SH2B2: variants seen among roughly 807,000 people sequenced by gnomAD.
The protein encoded by SH2B2 is SH2B adaptor protein 2.
SH2B2 carries 37 observed loss-of-function variants against 35.7 expected under a neutral mutation model. The observed-to-expected ratio is 1.04, with a 90% CI of 0.80 to 1.36. SH2B2 has a LOEUF of 1.36. SH2B2 is among the 40% of genes most tolerant of loss of function. SH2B2 has a pLI of 0.00. For missense variants in SH2B2, 852 were observed against 817.7 expected (o/e 1.04, Z -0.51); for synonymous variants, 383 against 376.4 (o/e 1.02, Z -0.20).
In SH2B2 at chr7:102,300,742, C is replaced by T. The variant is rs1554553489; in HGVS notation, c.192C>T (p.His64=). ...TPDAGASFSR[H]FAANFLDVFG... The stretch of plus-strand genomic sequence containing the variant: ...ACGCCGGCGCCTCCTTCTCCCGCCA[C>T]TTCGCCGCCAACTTCCTGGACGTCT... The change falls in exon 2 of 9, where the codon CAC becomes CAT. Residue 64 remains histidine (H), a synonymous_variant. Transcript: ENST00000444095. 9.7e-6 allele frequency: 15 copies of T among 1,540,248 alleles called. No individual in the cohort carries two copies. Among genetic ancestry groups the T allele is most frequent in the Non-Finnish European group, 1.2e-5 (14 of 1,139,912 alleles).
intron 1 of SH2B2, among the ~76,000 whole-genome samples, chr7:102,289,483 G>GT (rs1351916537): frequency 6.6e-6 from 1 of 152,264 alleles, no homozygotes; most frequent in East Asian, 1.9e-4. Context: ...ACAGGCAGGA[G>GT]TTGGAGGAAG....
chr7:102,316,398 G>C (rs2133037017), intron 6 of SH2B2, among the ~76,000 whole-genome samples: 1 of 151,834 alleles, frequency 6.6e-6, no homozygotes, highest in African/African-American at 2.4e-5. Flanking sequence ...ACCGGCCTGA[G>C]CAACATGGTG....
At chr7:102,307,279 G>C (rs1793442585) in intron 3 of SH2B2, among the ~76,000 whole-genome samples, 1 of 152,176 alleles carries the variant, frequency 6.6e-6, no homozygotes, top group African/African-American at 2.4e-5. Flanking sequence ...GTGGGTCTAG[G>C]GGCAGCCCAG....
chr7:102,321,413 C>T lies in SH2B2; in HGVS notation c.1682C>T (p.Ser561Phe). 1.5e-6 allele frequency: 2 copies of T among 1,340,700 alleles called. No homozygotes were observed. Among genetic ancestry groups the T allele is most frequent in the East Asian group, 3.4e-5 (1 of 29,500 alleles). The allele number at this position is 1,340,700 out of a possible 1,614,324, so 83.1% of individuals were successfully genotyped here. A position where few individuals can be genotyped will look rare whatever the true frequency, so the allele number is the denominator to read the frequency against. The change falls in exon 9 of 9, where the codon TCC (serine) becomes TTC (phenylalanine). Residue 561 changes from serine (S) to phenylalanine (F), a missense_variant. Ser to Phe is a radical substitution (Grantham distance 155). This residue lies in a region of SH2B2 where 556 missense variants were observed against 514.5 expected (regional missense o/e 1.08). Coordinates refer to ENST00000444095, the MANE Select transcript of SH2B2 (RefSeq NM_001359228.2). ...GCCGCCTGCCCGCCTGCCTCGCCCT[C>T]CGACGCCGCCGGCGCCTCCTCGTCT... is the stretch of plus-strand genomic sequence containing the variant. ...AAAACPPASP[S>F]DAAGASSSSA...
intron 1 of SH2B2, among the ~76,000 whole-genome samples, chr7:102,295,736 C>T (rs1237879940): frequency 1.3e-5 from 2 of 152,108 alleles, no homozygotes; most frequent in Non-Finnish European, 2.9e-5. Flanking sequence ...GGGAGGCTTC[C>T]TGGAAGAAGT....
chr7:102,296,653 G>A (rs1586572018), intron 1 of SH2B2, among the ~76,000 whole-genome samples: 2 of 152,246 alleles, frequency 1.3e-5, no homozygotes, highest in Non-Finnish European at 2.9e-5. Context: ...GGAATAAGAG[G>A]ATGAAGCTGG....
In SH2B2 at chr7:102,308,836, A is replaced by AT. The variant is rs782117862; in HGVS notation, c.854dup (p.Glu287GlyfsTer14). On this transcript the variant is annotated frameshift_variant, in exon 4 of 9. Transcript: ENST00000444095. LOFTEE classifies it high-confidence loss of function. ...CCAGGTAGAGAATGGAGCCGAATAC[A>AT]TCTTGGAGACCATCGACTCTCTGCA... The AT allele has an allele frequency of 6.2e-7, 1 of 1,613,578 alleles. No homozygotes were observed. The highest frequency in any genetic ancestry group is 8.5e-7 in the Non-Finnish European group (1 of 1,179,844).
At chr7:102,298,662 C>G (rs1793014372) in intron 1 of SH2B2, among the ~76,000 whole-genome samples, 2 of 152,154 alleles carry the variant, frequency 1.3e-5, no homozygotes, top group Non-Finnish European at 2.9e-5. Context: ...TCACTGTAGC[C>G]TCAACCTTCC....
intron 4 of SH2B2, among the ~76,000 whole-genome samples, chr7:102,313,273 C>CA (rs1793693954): frequency 3.0e-5 from 4 of 134,190 alleles, no homozygotes; most frequent in Admixed American, 1.6e-4. Context: ...CCCATCTCTG[C>CA]AAAAAATACA....
chr7:102,308,985 TAG>T, intron 4 of SH2B2, 79 bp downstream of exon 4: 1 of 1,135,420 alleles, frequency 8.8e-7, no homozygotes, highest in South Asian at 1.2e-5. Flanking sequence ...AGCAGCTTCC[TAG>T]CAGGGCGGGA....
chr7:102,318,495 G>A (rs921410011), intron 7 of SH2B2, among the ~76,000 whole-genome samples: 3 of 152,166 alleles, frequency 2.0e-5, no homozygotes, highest in Non-Finnish European at 2.9e-5. Flanking sequence ...TTATGGGGGG[G>A]TGCAATGTGG....
chr7:102,315,391 C>T (rs933487748), intron 6 of SH2B2, among the ~76,000 whole-genome samples: 1 of 151,788 alleles, frequency 6.6e-6, no homozygotes, highest in African/African-American at 2.4e-5. Flanking sequence ...AGTGCAGTGG[C>T]GGATCACAAC....
chr7:102,303,439 G>A (rs1406695943), intron 2 of SH2B2, among the ~76,000 whole-genome samples: 3 of 152,088 alleles, frequency 2.0e-5, no homozygotes, highest in East Asian at 1.9e-4. Context: ...GTCACCCGCC[G>A]CTTCTTGGCT....
chr7:102,316,546 C>T (rs1042830207), intron 6 of SH2B2, among the ~76,000 whole-genome samples: 19 of 151,238 alleles, frequency 1.3e-4, no homozygotes, highest in African/African-American at 4.6e-4. Context: ...GAGATCACGC[C>T]ACTGCATTCC....
At position 102,300,829 on chromosome 7, in the gene SH2B2, C is replaced by A; in HGVS notation, c.279C>A (p.Ser93Arg). The change falls in exon 2 of 9, where the codon AGC (serine) becomes AGA (arginine). Residue 93 changes from serine (S) to arginine (R), a missense_variant. Physicochemically the swap from Ser to Arg is moderately radical, Grantham distance 110 (BLOSUM62 -1). Transcript: ENST00000444095. ...AGPTTRGAAV[S>R]AEAMEPELAD... ...CGACGACTCGGGGCGCGGCCGTGAG[C>A]GCAGAGGCCATGGAGCCGGAGCTCG... The A allele has an allele frequency of 6.8e-7, 1 of 1,469,316 alleles. No individual in the cohort carries two copies. The highest frequency in any genetic ancestry group is 2.6e-5 in the East Asian group (1 of 39,130). The allele number at this position is 1,469,316 out of a possible 1,614,324, so 91.0% of individuals were successfully genotyped here.
At chr7:102,286,739 G>A (rs1462041406), upstream of SH2B2, 1 of 131,062 alleles carries the variant, frequency 7.6e-6, no homozygotes. Flanking sequence ...CGGGGGCGGG[G>A]CCTGAGCGGC....
At chr7:102,315,503 A>G (rs1447366826) in intron 6 of SH2B2, among the ~76,000 whole-genome samples, 2 of 151,688 alleles carry the variant, frequency 1.3e-5, no homozygotes, top group Non-Finnish European at 2.9e-5. Flanking sequence ...TCATTTTTGT[A>G]TTTTTGGTAG....
chr7:102,288,235 T>A (rs1216692763), intron 1 of SH2B2, among the ~76,000 whole-genome samples: 26 of 152,090 alleles, frequency 1.7e-4, no homozygotes, highest in African/African-American at 5.8e-4. Context: ...TCTTCCCTCC[T>A]GGCCTCCCCA....
rs1554555424 is a variant in SH2B2 at position 102,308,915 on chromosome 7, C to A, written c.923+9C>A. ...GGCTGCGTGGACCCCGGGTGAGTGT[C>A]CAAGTGGCCCGAAGATGGGTGGACA... is the stretch of plus-strand genomic sequence containing the variant. On this transcript the variant is annotated intron_variant, in intron 4 of 8. Coordinates refer to ENST00000444095, the MANE Select transcript of SH2B2 (RefSeq NM_001359228.2). The A allele has an allele frequency of 6.2e-7, 1 of 1,610,982 alleles. No homozygotes were observed. The highest frequency in any genetic ancestry group is 1.7e-5 in the Admixed American group (1 of 60,014).
Sources: allele counts gnomAD v4.1 joint callset (sites outside exome capture counted in the v4.1 genomes callset), GRCh38; gene constraint gnomAD v4.1.1; regional missense constraint gnomAD v4.1.1; transcripts MANE v1.5; gene names NCBI Gene and HGNC (gene_info 2026-07-23, HGNC 2026-07-21).